RAD51C: variants seen among roughly 807,000 people sequenced by gnomAD.
RAD51C encodes the protein RAD51 paralog C.
A neutral mutation model predicts 45.0 loss-of-function variants in RAD51C; 42 were observed. The ratio of observed to expected loss-of-function variants is 0.93; its 90% CI spans 0.73 to 1.21. The LOEUF (loss-of-function observed/expected upper bound fraction) is 1.21. RAD51C is among the 50% of genes most tolerant of loss of function. The pLI is 0.00. For missense variants in RAD51C, 474 were observed against 452.2 expected (o/e 1.05, Z -0.44); for synonymous variants, 172 against 159.8 (o/e 1.08, Z -0.58).
At chr17:58,704,105 C>A (rs1476749067) in intron 4 of RAD51C, among the ~76,000 whole-genome samples, 1 of 151,538 alleles carries the variant, frequency 6.6e-6, no homozygotes, top group African/African-American at 2.4e-5. Flanking sequence ...CTTGACTGAA[C>A]TTGGCCCCAT....
In RAD51C at chr17:58,696,868, G is replaced by C. The variant is rs776730538; in HGVS notation, c.571+9G>C. On this transcript the variant is annotated intron_variant, in intron 3 of 8. Coordinates refer to ENST00000337432, the MANE Select transcript of RAD51C (RefSeq NM_058216.3). ...AAAACACAAGGGAGAGGGTAAGTTA[G>C]TAAATGATCTTCTTTTTTTCTGTAT... 6.2e-7 allele frequency: 1 copy of C among 1,613,720 alleles called. No homozygotes were observed. The highest frequency in any genetic ancestry group is 8.5e-7 in the Non-Finnish European group (1 of 1,179,608).
intron 6 of RAD51C, among the ~76,000 whole-genome samples, chr17:58,723,722 A>G (rs118084475): frequency 6.6e-6 from 1 of 152,162 alleles, no homozygotes; most frequent in East Asian, 1.9e-4. Context: ...AAAAAAGAAT[A>G]TTCTACCAGA....
intron 5 of RAD51C, 70 bp from the exon 6 acceptor site, chr17:58,720,676 T>C (rs1396977394): frequency 1.6e-6 from 2 of 1,213,992 alleles, no homozygotes; most frequent in Non-Finnish European, 2.4e-6. Flanking sequence ...TTTCACAATC[T>C]TGGCCAGACT....
intron 8 of RAD51C, among the ~76,000 whole-genome samples, chr17:58,733,496 C>G (rs2049525690): frequency 6.6e-6 from 1 of 152,032 alleles, no homozygotes; most frequent in African/African-American, 2.4e-5. Flanking sequence ...CTGTAAAGTA[C>G]CTAAGACTTA....
At chr17:58,721,874 G>A (rs2143940627) in intron 6 of RAD51C, among the ~76,000 whole-genome samples, 1 of 152,244 alleles carries the variant, frequency 6.6e-6, no homozygotes, top group African/African-American at 2.4e-5. Flanking sequence ...ACTGTACAAA[G>A]GACGGATTCT....
At chr17:58,708,259 T>C (rs1239302887) in intron 4 of RAD51C, among the ~76,000 whole-genome samples, 1 of 152,190 alleles carries the variant, frequency 6.6e-6, no homozygotes, top group Non-Finnish European at 1.5e-5. Context: ...TCACCTGTTC[T>C]TCATCACTTC....
rs370986989 is a variant in RAD51C, at chr17:58,695,136, A to G, written c.351A>G (p.Leu117=). ...LDDILGGGVP[L]MKTTEICGAP... is the part of the protein sequence containing the mutation. ...ATATTCTTGGGGGTGGAGTGCCCTTAATGAAAACAACAGAAATTTGTGGTG... is the reference window on the plus strand; with the variant it reads ...ATATTCTTGGGGGTGGAGTGCCCTTGATGAAAACAACAGAAATTTGTGGTG... The change falls in exon 2 of 9, where the codon TTA becomes TTG. Residue 117 remains leucine (L), a synonymous_variant. Transcript: ENST00000337432. 1.1e-5 allele frequency: 18 copies of G among 1,613,966 alleles called. No homozygotes were observed. The African/African-American group carries it at 2.1e-4, about 19-fold the overall frequency.
chr17:58,696,613 A>G (rs2048017874), intron 2 of RAD51C, 80 bp from the exon 3 acceptor site: 1 of 1,562,960 alleles, frequency 6.4e-7, no homozygotes, highest in African/African-American at 1.4e-5. Flanking sequence ...GTGATACCTA[A>G]CTTGTCATTA....
intron 5 of RAD51C, 102 bp downstream of exon 5, chr17:58,710,092 A>G: frequency 7.5e-7 from 1 of 1,336,304 alleles, no homozygotes; most frequent in Non-Finnish European, 1.1e-6. Flanking sequence ...CAAATAATAT[A>G]GACATGCAGT....
chr17:58,729,375 G>T (rs928890848), intron 7 of RAD51C, among the ~76,000 whole-genome samples: 13 of 147,092 alleles, frequency 8.8e-5, no homozygotes, highest in African/African-American at 3.3e-4. Context: ...GCACCACCAC[G>T]CCTGGCTAAT....
At position 58,704,455 on chromosome 17, in the gene RAD51C, A is replaced by T. The variant is rs78205437; in HGVS notation, c.705+1126A>T. Among the ~76,000 whole-genome samples the T allele has an allele frequency of 3.0e-3, 438 of 143,962 alleles. 1 individual carries two copies. Among genetic ancestry groups the T allele is most frequent in the Middle Eastern group, 0.014 (4 of 288 alleles). 94.4% of individuals were successfully genotyped at this position (143,962 alleles called of 152,430 possible). A position where few individuals can be genotyped will look rare whatever the true frequency, so the allele number is the denominator to read the frequency against. ...GCCTGGCTAATTTTTTTTTTTTTTT[A>T]TATTTTTGGTAGAAACAGGGTTTTG... On this transcript the variant is annotated intron_variant, in intron 4 of 8. Coordinates refer to ENST00000337432, the MANE Select transcript of RAD51C (RefSeq NM_058216.3).
chr17:58,701,205 G>T (rs1260223956), intron 3 of RAD51C, among the ~76,000 whole-genome samples: 1 of 148,018 alleles, frequency 6.8e-6, no homozygotes, highest in Non-Finnish European at 1.5e-5. Context: ...CTGGCTAAGT[G>T]CATTTTAAAA....
At chr17:58,714,692 C>T (rs925172541) in intron 5 of RAD51C, among the ~76,000 whole-genome samples, 9 of 151,598 alleles carry the variant, frequency 5.9e-5, no homozygotes, top group African/African-American at 2.2e-4. Context: ...CTCCTGACCT[C>T]GTGATCCACC....
chr17:58,713,427 A>G (rs1427816959), intron 5 of RAD51C, among the ~76,000 whole-genome samples: 1 of 152,120 alleles, frequency 6.6e-6, no homozygotes, highest in South Asian at 2.1e-4. Context: ...TGTAGCCTCA[A>G]TCTCCTGGGC....
rs188613030 is a variant in RAD51C, at chr17:58,710,003, T to C, written c.837+13T>C. 314 of 1,607,490 alleles carry C rather than the reference T, an allele frequency of 2.0e-4. 1 individual carries two copies. In the African/African-American group the frequency reaches 3.4e-3, roughly 18 times the overall value. On this transcript the variant is annotated intron_variant, in intron 5 of 8. Coordinates refer to ENST00000337432, the MANE Select transcript of RAD51C (RefSeq NM_058216.3). ...TCACAGATTAGCTGTAAGTATTAAC[T>C]AGTGAAGAGAGTTTTATAACAAAGT... is the stretch of plus-strand genomic sequence containing the variant.
rs534859685 is a variant in RAD51C, at chr17:58,735,133, A to G, written c.*911A>G. On this transcript the variant is annotated 3_prime_UTR_variant, in exon 9 of 9. Coordinates refer to ENST00000337432, the MANE Select transcript of RAD51C (RefSeq NM_058216.3). ...GGACTTTGGAGCTGTTATCTCATCT[A>G]GAGATTGTTTGGAACATATGTCTTC... is the stretch of plus-strand genomic sequence containing the variant. 9.8e-5 allele frequency: 15 copies of G among 152,310 alleles called. No individual in the cohort carries two copies. The highest frequency in any genetic ancestry group is 3.6e-4 in the African/African-American group (15 of 41,568). The allele number at this position is 152,310 out of a possible 1,614,324, so 9.4% of individuals were successfully genotyped here.
intron 1 of RAD51C, chr17:58,693,938 A>G (rs910131221): frequency 3.9e-5 from 6 of 152,222 alleles, no homozygotes; most frequent in African/African-American, 1.4e-4. Flanking sequence ...TATGGCTCAT[A>G]TTCTTATCAG....
At chr17:58,710,551 ATTGCAGTGTCTTCTTTGT>A (rs1382768303) in intron 5 of RAD51C, among the ~76,000 whole-genome samples, 1 of 150,768 alleles carries the variant, frequency 6.6e-6, no homozygotes, top group Non-Finnish European at 1.5e-5. Context: ...ACCTTTGTTA[ATTGCAGTGTCTTCTTTGT>A]TTAAATATAC....
At chr17:58,706,622 C>A in intron 4 of RAD51C, 1 of 384,076 alleles carries the variant, frequency 2.6e-6, no homozygotes, top group South Asian at 2.0e-5. Flanking sequence ...AGAGTGACAG[C>A]TCTGAGGATC....
Sources: gnomAD v4.1 joint callset for allele counts (sites outside exome capture counted in the v4.1 genomes callset) on GRCh38, gnomAD v4.1.1 for gene constraint, MANE v1.5 for transcripts, NCBI Gene and HGNC (gene_info 2026-07-23, HGNC 2026-07-21) for gene names.